Variants in FARP2 observed in about 807,000 individuals in gnomAD.
FARP2 encodes the protein FERM, ARH/RhoGEF and pleckstrin domain protein 2.
A neutral mutation model predicts 130.5 loss-of-function variants in FARP2; 111 were observed. That is an observed-to-expected ratio of 0.85 (90% CI 0.73 to 1.00). The LOEUF (loss-of-function observed/expected upper bound fraction) is 1.00. FARP2 is among the 50% of genes least tolerant of loss of function. The pLI is 0.00. For missense variants in FARP2, 1,385 were observed against 1,346.3 expected (o/e 1.03, Z -0.45); for synonymous variants, 504 against 516.9 (o/e 0.98, Z 0.34).
intron 17 of FARP2, 119 bp downstream of exon 17, chr2:241,464,099 A>T (rs1407750265): frequency 2.6e-6 from 2 of 772,718 alleles, no homozygotes; most frequent in Non-Finnish European, 4.3e-6. Context: ...TCAGAACAGG[A>T]TCCCCCTCAG....
chr2:241,441,241 C>A, intron 12 of FARP2, 63 bp from the exon 13 acceptor site: 3 of 1,497,290 alleles, frequency 2.0e-6, no homozygotes, highest in South Asian at 1.4e-5. Context: ...GGTGGCTTTG[C>A]AACTTCTAGT....
chr2:241,457,875 G>T (rs1331162662), intron 14 of FARP2, among the ~76,000 whole-genome samples: 1 of 152,164 alleles, frequency 6.6e-6, no homozygotes, highest in African/African-American at 2.4e-5. Context: ...TGGGGCGAGG[G>T]GGCGGTTCTC....
Position 241,404,673 on chromosome 2 carries a change from G to C in FARP2, c.289-126G>C, listed in dbSNP as rs150931267. On this transcript the variant is annotated intron_variant, in intron 3 of 26. Transcript: ENST00000264042. ...ATCAGGATTCAACCTTTAAGAGGGG[G>C]GGTAGAGTCAAAATTTTCCTGACAT... 6.9e-4 allele frequency: 448 copies of C among 648,448 alleles called. 4 individuals carry two copies. In the African/African-American group the frequency reaches 7.4e-3, roughly 11 times the overall value. The allele number at this position is 648,448 out of a possible 1,614,324, so 40.2% of individuals were successfully genotyped here. A position where few individuals can be genotyped will look rare whatever the true frequency, so the allele number is the denominator to read the frequency against.
In FARP2 at chr2:241,435,035, G is replaced by A. The variant is rs1444874549; in HGVS notation, c.1100+5G>A. The A allele has an allele frequency of 6.5e-7, 1 of 1,549,518 alleles. No individual in the cohort carries two copies. The highest frequency in any genetic ancestry group is 1.8e-5 in the Admixed American group (1 of 55,568). On this transcript the variant is annotated splice_donor_5th_base_variant and intron_variant, in intron 11 of 26. Coordinates refer to ENST00000264042, the MANE Select transcript of FARP2 (RefSeq NM_014808.4). ...GAAGAGAATTCCATATGAAAGGTAA[G>A]CTCTGGCCTTTATGATGTAAAGTGT...
intron 19 of FARP2, among the ~76,000 whole-genome samples, chr2:241,479,824 C>G (rs556399198): frequency 1.1e-4 from 17 of 152,314 alleles, no homozygotes; most frequent in Non-Finnish European, 1.9e-4. Flanking sequence ...GGGCTGGAAG[C>G]CTGTCTGCTG....
rs575585818 is a variant in FARP2, at chr2:241,380,527, A to T, written c.183+7237A>T. Among the ~76,000 whole-genome samples the T allele has an allele frequency of 7.2e-5, 11 of 152,164 alleles. No individual in the cohort carries two copies. In the South Asian group the frequency reaches 8.3e-4, roughly 11 times the overall value. ...ATCAGAAGAGTTTCAGATTTTTTTC[A>T]GATTTTGGAATATTTGCATTATGCT... On this transcript the variant is annotated intron_variant, in intron 2 of 26. Coordinates refer to ENST00000264042, the MANE Select transcript of FARP2 (RefSeq NM_014808.4).
chr2:241,372,023 T>TA (rs1251480543), intron 1 of FARP2, among the ~76,000 whole-genome samples: 4 of 152,034 alleles, frequency 2.6e-5, no homozygotes, highest in Non-Finnish European at 4.4e-5. Context: ...AAATCTGTTT[T>TA]AAAAAATATA....
At chr2:241,491,238 G>A in intron 23 of FARP2, 59 bp downstream of exon 23, 1 of 1,280,584 alleles carries the variant, frequency 7.8e-7, no homozygotes, top group South Asian at 1.2e-5. Flanking sequence ...GGCTTTTTTT[G>A]GAAACTGTTT....
At chr2:241,418,167 G>A in intron 8 of FARP2, 58 bp downstream of exon 8, 1 of 1,586,822 alleles carries the variant, frequency 6.3e-7, no homozygotes, top group Non-Finnish European at 8.6e-7. Context: ...TCTGCAACCT[G>A]GTGGGGTTTG....
intron 1 of FARP2, among the ~76,000 whole-genome samples, chr2:241,371,649 C>CT (rs2061427602): frequency 1.3e-5 from 2 of 152,172 alleles, no homozygotes; most frequent in South Asian, 4.1e-4. Context: ...GCGGAAGACT[C>CT]TGAGAGTGAT....
At chr2:241,489,200 G>A (rs1559815427) in intron 21 of FARP2, 1 of 152,220 alleles carries the variant, frequency 6.6e-6, no homozygotes, top group African/African-American at 2.4e-5. Flanking sequence ...TCCATTCTGT[G>A]GAGTTGTTGG....
chr2:241,457,024 G>A, intron 14 of FARP2, 102 bp downstream of exon 14: 1 of 1,093,498 alleles, frequency 9.1e-7, no homozygotes. Context: ...GCGGGGCAGG[G>A]AAGGGCTCTG....
chr2:241,446,692 T>C (rs2063521957), intron 13 of FARP2: 1 of 152,204 alleles, frequency 6.6e-6, no homozygotes, highest in African/African-American at 2.4e-5. Context: ...TAGACAAAAA[T>C]GTTAATGTTC....
At chr2:241,484,177 A>T (rs2064696123) in intron 20 of FARP2, 65 bp from the exon 21 acceptor site, 1 of 1,604,930 alleles carries the variant, frequency 6.2e-7, no homozygotes, top group Admixed American at 1.7e-5. Context: ...CCAGAGTCCA[A>T]GTTGGTCTGA....
Position 241,407,545 on chromosome 2 carries a change from AAT to A in FARP2, c.341_342del (p.Asn114SerfsTer13). The A allele has an allele frequency of 1.2e-6, 2 of 1,613,830 alleles. No homozygotes were observed. The highest frequency in any genetic ancestry group is 1.7e-6 in the Non-Finnish European group (2 of 1,179,696). ...PIIRQIRRPK[N>X]VVLRLAVKFF... is the part of the protein sequence containing the mutation. Reference sequence around the variant, plus strand: ...AAATTTTTTTGTTATAGGGCCAAAGAATGTGGTGCTTCGCCTAGCTGTAAAAT... The same window carrying A: ...AAATTTTTTTGTTATAGGGCCAAAGAGTGGTGCTTCGCCTAGCTGTAAAAT... On this transcript the variant is annotated frameshift_variant, in exon 5 of 27. Transcript: ENST00000264042. LOFTEE classifies it high-confidence loss of function.
chr2:241,453,508 G>C (rs1366937099), intron 13 of FARP2, among the ~76,000 whole-genome samples: 2 of 151,442 alleles, frequency 1.3e-5, no homozygotes, highest in Admixed American at 6.6e-5. Flanking sequence ...TGTAGTCCCA[G>C]CTACTCGGGA....
intron 26 of FARP2, 153 bp downstream of exon 26, chr2:241,493,597 G>C (rs200604715): frequency 7.7e-5 from 43 of 559,964 alleles, no homozygotes; most frequent in Non-Finnish European, 1.2e-4. Flanking sequence ...GCAATGCTTT[G>C]TTTTTTTTTT....
Position 241,452,196 on chromosome 2 carries a change from G to A in FARP2, c.1412-4551G>A, listed in dbSNP as rs555343868. Reference sequence around the variant, plus strand: ...TAAAAGGCACTAACTTTATCCTGTCGTATGTCACTGTGGAAAGCACTCTTC... The same window carrying A: ...TAAAAGGCACTAACTTTATCCTGTCATATGTCACTGTGGAAAGCACTCTTC... On this transcript the variant is annotated intron_variant, in intron 13 of 26. Coordinates refer to ENST00000264042, the MANE Select transcript of FARP2 (RefSeq NM_014808.4). Among the ~76,000 whole-genome samples the A allele has an allele frequency of 5.9e-5, 9 of 152,272 alleles. No homozygotes were observed. In the South Asian group the frequency reaches 6.2e-4, roughly 11 times the overall value.
intron 19 of FARP2, chr2:241,478,905 C>A: frequency 2.5e-6 from 1 of 395,428 alleles, no homozygotes; most frequent in South Asian, 2.6e-5. Context: ...TATGTGGTGT[C>A]CAAGAAACTT....
Sources: gnomAD v4.1 joint callset for allele counts (sites outside exome capture counted in the v4.1 genomes callset) on GRCh38, gnomAD v4.1.1 for gene constraint, MANE v1.5 for transcripts, NCBI Gene and HGNC (gene_info 2026-07-23, HGNC 2026-07-21) for gene names.